GRIA1: variants seen among roughly 807,000 people sequenced by gnomAD.
The protein encoded by GRIA1 is glutamate receptor 1.
In GRIA1, 31 loss-of-function variants were observed where a neutral mutation model predicts 99.2. The observed-to-expected ratio is 0.31, with a 90% CI of 0.23 to 0.42. GRIA1 has a LOEUF of 0.42. GRIA1 is among the 10% of genes least tolerant of loss of function. The probability of loss-of-function intolerance (pLI) is 1.00; values close to 1 mark genes in which losing one functional copy is unlikely to be tolerated. For synonymous variants in GRIA1, 438 were observed against 432.4 expected, an observed-to-expected ratio of 1.01 and a Z score of -0.16; for missense variants, 782 against 1,157.5, an observed-to-expected ratio of 0.68 and a Z score of 4.71.
intron 13 of GRIA1, among the ~76,000 whole-genome samples, chr5:153,793,056 C>CAA (rs1765401479): frequency 6.6e-6 from 1 of 152,142 alleles, no homozygotes; most frequent in Admixed American, 6.5e-5. Context: ...TAAAAGGTAA[C>CAA]GGTTATAGTA....
chr5:153,725,104 C>G (rs9687835), intron 11 of GRIA1, among the ~76,000 whole-genome samples: 79,313 of 151,764 alleles, frequency 0.52, 21,639 homozygotes, highest in East Asian at 0.94. Context: ...AACATTCTTA[C>G]AGAAAAGAAT....
chr5:153,593,614 T>A (rs1238570073), intron 2 of GRIA1, among the ~76,000 whole-genome samples: 1 of 152,202 alleles, frequency 6.6e-6, no homozygotes, highest in African/African-American at 2.4e-5. Context: ...TCTGCATATT[T>A]TATCATTGAC....
intron 2 of GRIA1, among the ~76,000 whole-genome samples, chr5:153,545,667 T>G (rs1759547670): frequency 6.6e-6 from 1 of 152,184 alleles, no homozygotes; most frequent in African/African-American, 2.4e-5. Context: ...AAAACCCAGA[T>G]AGTAAATGTT....
At chr5:153,699,414 T>C (rs1758351867) in intron 10 of GRIA1, among the ~76,000 whole-genome samples, 1 of 152,208 alleles carries the variant, frequency 6.6e-6, no homozygotes, top group Non-Finnish European at 1.5e-5. Context: ...GTTTCTTCTC[T>C]GATATTAAAT....
At chr5:153,729,085 G>C (rs1561807786) in intron 11 of GRIA1, among the ~76,000 whole-genome samples, 1 of 150,172 alleles carries the variant, frequency 6.7e-6, no homozygotes, top group Non-Finnish European at 1.5e-5. Flanking sequence ...TCCTTTGTAG[G>C]GACGTGGATG....
chr5:153,729,620 A>G (rs74863266), intron 11 of GRIA1, among the ~76,000 whole-genome samples: 3,556 of 152,014 alleles, frequency 0.023, 124 homozygotes, highest in African/African-American at 0.079. Flanking sequence ...TTTCTGTGCA[A>G]AATTGGGTTA....
chr5:153,776,302 A>G (rs1283161401), intron 13 of GRIA1, among the ~76,000 whole-genome samples: 1 of 152,178 alleles, frequency 6.6e-6, no homozygotes, highest in East Asian at 1.9e-4. Flanking sequence ...GGAGGTTTGG[A>G]AAAGAAGTCT....
intron 1 of GRIA1, among the ~76,000 whole-genome samples, chr5:153,493,470 A>T (rs935229779): frequency 3.3e-5 from 5 of 152,154 alleles, no homozygotes; most frequent in Non-Finnish European, 5.9e-5. Context: ...GCTAGATTTC[A>T]ATCACCCTGC....
chr5:153,575,434 C>G (rs1367799276), intron 2 of GRIA1, among the ~76,000 whole-genome samples: 1 of 152,162 alleles, frequency 6.6e-6, no homozygotes, highest in Non-Finnish European at 1.5e-5. Context: ...GTAACGAATT[C>G]AGCAGACCCA....
chr5:153,640,473 C>T (rs1753709394), intron 2 of GRIA1, among the ~76,000 whole-genome samples: 1 of 152,226 alleles, frequency 6.6e-6, no homozygotes, highest in Admixed American at 6.5e-5. Context: ...CATACCCTGA[C>T]CCCAGTCATA....
chr5:153,641,215 C>T (rs912351409), intron 2 of GRIA1, among the ~76,000 whole-genome samples: 3 of 152,112 alleles, frequency 2.0e-5, no homozygotes, highest in Non-Finnish European at 4.4e-5. Flanking sequence ...CTGCTATTTA[C>T]AATGAGGCTG....
chr5:153,578,340 G>A (rs1762759223), intron 2 of GRIA1, among the ~76,000 whole-genome samples: 1 of 152,086 alleles, frequency 6.6e-6, no homozygotes, highest in East Asian at 1.9e-4. Context: ...TTCAATGCTG[G>A]ATGGTATTCA....
At chr5:153,657,664 CCTT>C (rs2149466854) in intron 5 of GRIA1, among the ~76,000 whole-genome samples, 1 of 152,294 alleles carries the variant, frequency 6.6e-6, no homozygotes, top group Non-Finnish European at 1.5e-5. Context: ...GAAATTCTGT[CCTT>C]CTTTCTGACC....
chr5:153,720,998 G>C (rs1212133291), intron 11 of GRIA1, among the ~76,000 whole-genome samples: 2 of 152,292 alleles, frequency 1.3e-5, no homozygotes, highest in East Asian at 3.9e-4. Flanking sequence ...AGATAGGAGA[G>C]ATAGACATTG....
At chr5:153,689,060 G>A (rs999166840) in intron 8 of GRIA1, among the ~76,000 whole-genome samples, 6 of 151,252 alleles carry the variant, frequency 4.0e-5, no homozygotes, top group Admixed American at 1.3e-4. Flanking sequence ...GCAGGGTCTC[G>A]CTCTCTTGCC....
At position 153,582,341 on chromosome 5, in the gene GRIA1, C is replaced by T. The variant is rs58963930; in HGVS notation, c.221-64587C>T. 4.1e-4 allele frequency among the ~76,000 whole-genome samples: 62 copies of T among 152,270 alleles called. No homozygotes were observed. In the East Asian group the frequency reaches 0.012, roughly 29 times the overall value. On this transcript the variant is annotated intron_variant, in intron 2 of 15. Transcript: ENST00000285900. ...CCCTAGAAAGTCAGCAAATGGGGAT[C>T]AGGGTGTCTTGAGCCCTGTGAAAGT...
chr5:153,715,613 G>A (rs980006545), intron 11 of GRIA1, among the ~76,000 whole-genome samples: 1 of 152,116 alleles, frequency 6.6e-6, no homozygotes, highest in African/African-American at 2.4e-5. Flanking sequence ...GAAAACATTT[G>A]CCTTGCACGG....
Position 153,584,192 on chromosome 5 carries a change from C to T in GRIA1, c.221-62736C>T, listed in dbSNP as rs562845517. On this transcript the variant is annotated intron_variant, in intron 2 of 15. Coordinates refer to ENST00000285900, the MANE Select transcript of GRIA1 (RefSeq NM_000827.4). Reference sequence around the variant, plus strand: ...CTCATGTTGCCCCAAATTACTGTGGCGGATGGCTGGTACTATGATGAAATT... The same window carrying T: ...CTCATGTTGCCCCAAATTACTGTGGTGGATGGCTGGTACTATGATGAAATT... Among the ~76,000 whole-genome samples, 9 of 152,278 alleles carry T rather than the reference C, an allele frequency of 5.9e-5. No individual in the cohort carries two copies. The South Asian group carries it at 1.0e-3, about 18-fold the overall frequency.
intron 15 of GRIA1, among the ~76,000 whole-genome samples, chr5:153,809,496 A>T (rs200466147): frequency 3.9e-5 from 6 of 152,198 alleles, no homozygotes; most frequent in African/African-American, 1.2e-4. Flanking sequence ...ATAGCAGGGG[A>T]AAAAAATGGG....
Sources: gnomAD v4.1 joint callset for allele counts (sites outside exome capture counted in the v4.1 genomes callset) on GRCh38, gnomAD v4.1.1 for gene constraint, MANE v1.5 for transcripts, NCBI Gene and HGNC (gene_info 2026-07-23, HGNC 2026-07-21) for gene names.